The following MYO3A variants were observed in gnomAD, a reference collection of about 807,000 sequenced individuals.
MYO3A encodes the protein myosin IIIA, also known as myosin-IIIa.
MYO3A carries 180 observed loss-of-function variants against 192.7 expected under a neutral mutation model. The ratio of observed to expected loss-of-function variants is 0.93; its 90% CI spans 0.83 to 1.06. The LOEUF is 1.06. Ranked by LOEUF, MYO3A falls within the 50% of genes least tolerant of loss-of-function variation. The pLI, the probability that MYO3A is intolerant of heterozygous loss-of-function variation, is 0.00. For synonymous variants in MYO3A, 628 were observed against 645.3 expected, an observed-to-expected ratio of 0.97 and a Z score of 0.41; for missense variants, 1,896 against 1,905.0, an observed-to-expected ratio of 1.00 and a Z score of 0.09.
At chr10:26,037,029 T>A (rs538898920) in intron 10 of MYO3A, among the ~76,000 whole-genome samples, 3 of 152,354 alleles carry the variant, frequency 2.0e-5, no homozygotes, top group South Asian at 4.1e-4. Context: ...AGTCTTGCCA[T>A]GAACTAATTT....
intron 26 of MYO3A, among the ~76,000 whole-genome samples, chr10:26,160,183 A>G (rs1297917048): frequency 2.0e-5 from 3 of 152,214 alleles, no homozygotes; most frequent in East Asian, 1.9e-4. Context: ...ATAAGGCACC[A>G]TGCTAAGCAC....
At chr10:26,010,463 T>G (rs1007018178) in intron 6 of MYO3A, among the ~76,000 whole-genome samples, 105 of 146,996 alleles carry the variant, frequency 7.1e-4, no homozygotes, top group Admixed American at 1.9e-3. Context: ...TTTTTTTTTT[T>G]TTTTTTTTGT....
chr10:25,938,948 T>C (rs1836296873), intron 2 of MYO3A, among the ~76,000 whole-genome samples: 1 of 152,160 alleles, frequency 6.6e-6, no homozygotes. Context: ...TCATTACATA[T>C]GAAGTATTAT....
intron 15 of MYO3A, among the ~76,000 whole-genome samples, chr10:26,092,150 C>T (rs1015218585): frequency 6.6e-6 from 1 of 152,168 alleles, no homozygotes; most frequent in Non-Finnish European, 1.5e-5. Flanking sequence ...TGTTGTTTTA[C>T]GAATACCCTG....
At chr10:26,113,596 A>G (rs1838327939) in intron 17 of MYO3A, among the ~76,000 whole-genome samples, 1 of 152,134 alleles carries the variant, frequency 6.6e-6, no homozygotes. Context: ...ATTTTTTTCA[A>G]TCAAAAAACA....
At chr10:26,069,000 C>T (rs1588895242) in intron 12 of MYO3A, 116 bp downstream of exon 12, 1 of 726,250 alleles carries the variant, frequency 1.4e-6, no homozygotes, top group South Asian at 1.5e-5. Flanking sequence ...TAAACAGTTA[C>T]ATAATTTTTG....
chr10:26,013,469 C>T (rs1173560699), intron 6 of MYO3A, among the ~76,000 whole-genome samples: 2 of 151,720 alleles, frequency 1.3e-5, no homozygotes, highest in African/African-American at 4.9e-5. Flanking sequence ...CATGAATAGA[C>T]ATTTCTCAAA....
intron 20 of MYO3A, among the ~76,000 whole-genome samples, chr10:26,137,093 A>G (rs1004451200): frequency 6.6e-6 from 1 of 152,160 alleles, no homozygotes; most frequent in Non-Finnish European, 1.5e-5. Flanking sequence ...AGGTGATGAG[A>G]CTATATAAAA....
chr10:26,151,416 A>G (rs1332620794), intron 23 of MYO3A, among the ~76,000 whole-genome samples: 1 of 151,700 alleles, frequency 6.6e-6, no homozygotes, highest in Non-Finnish European at 1.5e-5. Flanking sequence ...TTATGTGATG[A>G]CCCTTTTCAT....
intron 6 of MYO3A, among the ~76,000 whole-genome samples, chr10:26,015,106 G>C (rs766418348): frequency 1.5e-4 from 23 of 152,152 alleles, no homozygotes; most frequent in Non-Finnish European, 3.1e-4. Flanking sequence ...CAAAGCAAAC[G>C]ACTGAAGAAG....
intron 4 of MYO3A, among the ~76,000 whole-genome samples, chr10:25,975,424 G>T (rs935152731): frequency 1.3e-5 from 2 of 152,190 alleles, no homozygotes; most frequent in African/African-American, 4.8e-5. Flanking sequence ...TTAATCTTTA[G>T]GAAAGAAAGC....
chr10:26,211,954 G>A lies in MYO3A; in HGVS notation c.4842G>A (p.Gln1614=). The A allele has an allele frequency of 6.2e-7, 1 of 1,613,980 alleles. No homozygotes were observed. The highest frequency in any genetic ancestry group is 2.2e-5 in the East Asian group (1 of 44,878). The change falls in exon 35 of 35, where the codon CAG becomes CAA. Residue 1614 remains glutamine (Q), a synonymous_variant. Coordinates refer to ENST00000642920, the MANE Select transcript of MYO3A (RefSeq NM_017433.5). The part of the protein sequence containing the change: ...RKTSQRRRLV[Q]QS The stretch of plus-strand genomic sequence containing the variant: ...CCTCCCAGCGCCGGCGCCTCGTCCA[G>A]CAGTCCTAACCGTTCAACGAGGCAG...
chr10:26,110,530 G>A (rs781101410), intron 17 of MYO3A, among the ~76,000 whole-genome samples: 1 of 152,142 alleles, frequency 6.6e-6, no homozygotes, highest in African/African-American at 2.4e-5. Flanking sequence ...AGCAAAGGTT[G>A]TCAGGATGTC....
chr10:26,171,745 G>C (rs1194589773), intron 29 of MYO3A, among the ~76,000 whole-genome samples: 1 of 152,178 alleles, frequency 6.6e-6, no homozygotes, highest in Non-Finnish European at 1.5e-5. Flanking sequence ...GATGATACCT[G>C]TGACTTCTGT....
At chr10:25,945,060 A>G (rs892662325) in intron 2 of MYO3A, among the ~76,000 whole-genome samples, 3 of 151,838 alleles carry the variant, frequency 2.0e-5, no homozygotes, top group Admixed American at 6.6e-5. Context: ...CTTTTGCTGG[A>G]TTCTGTAAGT....
At chr10:26,065,603 A>C (rs12767356) in intron 10 of MYO3A, among the ~76,000 whole-genome samples, 6 of 65,052 alleles carry the variant, frequency 9.2e-5, no homozygotes, top group Middle Eastern at 9.4e-3. Flanking sequence ...AAAAAAAAAA[A>C]AAAAAAAAAA....
rs749624405 is a variant in MYO3A, at chr10:26,157,310, T to C, written c.2794T>C (p.Tyr932His). 1 of 1,613,810 alleles carries C rather than the reference T, an allele frequency of 6.2e-7. No individual in the cohort carries two copies. Among genetic ancestry groups the C allele is most frequent in the Non-Finnish European group, 8.5e-7 (1 of 1,179,800 alleles). ...AATTTATTTTTGTTGTGTATTATAG[T>C]ATTCCCTGATGGATTTGTTGTCTAA... ...KTQTVASYFR[Y>H]SLMDLLSKMV... The change falls in exon 26 of 35, where the codon TAT becomes CAT. Residue 932 changes from tyrosine to histidine, a missense_variant and splice_region_variant. By Grantham distance (83) the Tyr-to-His change is moderately conservative (BLOSUM62 2). Coordinates refer to ENST00000642920, the MANE Select transcript of MYO3A (RefSeq NM_017433.5).
At chr10:25,961,193 G>A (rs184012610) in intron 4 of MYO3A, among the ~76,000 whole-genome samples, 57 of 152,154 alleles carry the variant, frequency 3.7e-4, no homozygotes, top group African/African-American at 1.1e-3. Flanking sequence ...CATTTAAGTG[G>A]AGATTCAGGT....
At chr10:26,104,277 A>G (rs1362036392) in intron 17 of MYO3A, among the ~76,000 whole-genome samples, 4 of 152,258 alleles carry the variant, frequency 2.6e-5, no homozygotes, top group Admixed American at 1.3e-4. Context: ...ATCCAAGGTC[A>G]CAAAGATTTA....
Sources: gnomAD v4.1 joint callset for allele counts (sites outside exome capture counted in the v4.1 genomes callset) on GRCh38, gnomAD v4.1.1 for gene constraint, MANE v1.5 for transcripts, NCBI Gene and HGNC (gene_info 2026-07-23, HGNC 2026-07-21) for gene names.